MAP3K21: variants seen among roughly 807,000 people sequenced by gnomAD.
MAP3K21 encodes the protein mitogen-activated protein kinase kinase kinase 21.
MAP3K21 carries 63 observed loss-of-function variants against 86.1 expected under a neutral mutation model. The observed-to-expected ratio is 0.73, with a 90% CI of 0.60 to 0.90. The LOEUF (loss-of-function observed/expected upper bound fraction) is 0.90. Among genes scored for constraint, MAP3K21 ranks in the 40% least tolerant of loss-of-function variants. MAP3K21 has a pLI of 0.00. For missense variants in MAP3K21, 1,220 were observed against 1,367.7 expected (o/e 0.89, Z 1.70); for synonymous variants, 558 against 564.8 (o/e 0.99, Z 0.17).
chr1:233,328,106 C>T lies in MAP3K21; in HGVS notation c.78C>T (p.Ser26=), dbSNP rs1168572458. 4 of 1,384,736 alleles carry T rather than the reference C, an allele frequency of 2.9e-6. No individual in the cohort carries two copies. The highest frequency in any genetic ancestry group is 3.7e-6 in the Non-Finnish European group (4 of 1,075,658). The allele number at this position is 1,384,736 out of a possible 1,614,324, so 85.8% of individuals were successfully genotyped here. The change falls in exon 1 of 10, where the codon TCC becomes TCT. Residue 26 remains serine (S), a synonymous_variant. Transcript: ENST00000366624. This position sits in a 1 kb window ranked among gnomAD's most constrained non-coding sequence, Gnocchi z 8.7. ...SAGGAPGGSA[S]SSSTSSGGSA... is the part of the protein sequence containing the mutation. ...GGGGAGCCCCCGGCGGCTCAGCGTC[C>T]TCGTCGTCCACCTCCTCGGGCGGCT...
intron 8 of MAP3K21, among the ~76,000 whole-genome samples, chr1:233,377,379 T>C (rs912229583): frequency 1.3e-5 from 2 of 152,220 alleles, no homozygotes; most frequent in African/African-American, 4.8e-5. Flanking sequence ...ACAATGTAAA[T>C]GTATTGAATT....
At chr1:233,330,688 A>G (rs12059738) in intron 1 of MAP3K21, among the ~76,000 whole-genome samples, 2,012 of 152,294 alleles carry the variant, frequency 0.013, 30 homozygotes, top group African/African-American at 0.043. Flanking sequence ...CAAATCATCA[A>G]CACAAGCAAA....
intron 1 of MAP3K21, among the ~76,000 whole-genome samples, chr1:233,329,445 C>A (rs1294311): frequency 6.6e-6 from 1 of 151,630 alleles, no homozygotes; most frequent in Non-Finnish European, 1.5e-5. Flanking sequence ...CCTGAGGTTA[C>A]GAGTTTGAGA....
rs1459429617 is a variant in MAP3K21, at chr1:233,327,776, G to A, written c.-253G>A. 1.6e-5 allele frequency: 5 copies of A among 310,540 alleles called. No individual in the cohort carries two copies. The Admixed American group carries it at 2.5e-4, about 16-fold the overall frequency. 19.2% of individuals were successfully genotyped at this position (310,540 alleles called of 1,614,324 possible). The stretch of plus-strand genomic sequence containing the variant: ...GGCGGGCGGGCCGGCCGCAGGGCCT[G>A]GGCACGACCATGGTGGGACGTCGCC... On this transcript the variant is annotated 5_prime_UTR_variant, in exon 1 of 10. Coordinates refer to ENST00000366624, the MANE Select transcript of MAP3K21 (RefSeq NM_032435.3).
At chr1:233,379,990 G>A (rs1035948515) in intron 9 of MAP3K21, among the ~76,000 whole-genome samples, 7 of 152,142 alleles carry the variant, frequency 4.6e-5, no homozygotes, top group South Asian at 2.1e-4. Flanking sequence ...CTCACGTTAC[G>A]GGAAAGACAA....
At chr1:233,354,048 T>A in intron 3 of MAP3K21, 93 bp downstream of exon 3, 1 of 1,320,984 alleles carries the variant, frequency 7.6e-7, no homozygotes, top group Non-Finnish European at 9.9e-7. Flanking sequence ...TTTCTGTGAC[T>A]CTAATTTCCA....
rs1284613915 is a variant in MAP3K21, at chr1:233,327,987, G to A, written c.-42G>A. ...CGCGCCCGCGGCCGCCCGGGAGGCT[G>A]AGCCCAGCTTCCCGCTCCGCCTTCC... is the stretch of plus-strand genomic sequence containing the variant. On this transcript the variant is annotated 5_prime_UTR_variant, in exon 1 of 10. It removes the in-frame stop codon of an upstream open reading frame in the 5' UTR. Transcript: ENST00000366624. The A allele has an allele frequency of 2.4e-6, 3 of 1,243,272 alleles. No homozygotes were observed. Among genetic ancestry groups the A allele is most frequent in the Non-Finnish European group, 3.0e-6 (3 of 995,234 alleles). 77.0% of individuals were successfully genotyped at this position (1,243,272 alleles called of 1,614,324 possible). A position where few individuals can be genotyped will look rare whatever the true frequency, so the allele number is the denominator to read the frequency against.
rs1485755304 is a variant in MAP3K21 at position 233,362,146 on chromosome 1, G to A, written c.1405G>A (p.Glu469Lys). ...LLKRREQQLA[E>K]REIDVLEREL... Reference sequence around the variant, plus strand: ...AAAGCGGCGTGAGCAGCAGCTGGCAGAGCGCGAGATCGACGTGCTGGAGCG... The same window carrying A: ...AAAGCGGCGTGAGCAGCAGCTGGCAAAGCGCGAGATCGACGTGCTGGAGCG... Residue 469 changes from glutamate (E) to lysine (K), a missense_variant, in exon 5 of 10, where the codon GAG (glutamate) becomes AAG (lysine). Coordinates refer to ENST00000366624, the MANE Select transcript of MAP3K21 (RefSeq NM_032435.3). 5 of 1,614,096 alleles carry A rather than the reference G, an allele frequency of 3.1e-6. No homozygotes were observed. The African/African-American group carries it at 4.0e-5, about 13-fold the overall frequency.
chr1:233,378,011 T>A (rs1663831479), intron 8 of MAP3K21, among the ~76,000 whole-genome samples: 1 of 152,192 alleles, frequency 6.6e-6, no homozygotes, highest in Non-Finnish European at 1.5e-5. Flanking sequence ...GCACTGGCTG[T>A]AAATGCAAAA....
chr1:233,372,721 T>A (rs1663709205), intron 6 of MAP3K21: 1 of 152,564 alleles, frequency 6.6e-6, no homozygotes, highest in African/African-American at 2.4e-5. Flanking sequence ...ATTGTGAGAG[T>A]TTCAGTTAGG....
intron 1 of MAP3K21, among the ~76,000 whole-genome samples, chr1:233,342,548 C>T (rs1663054638): frequency 6.6e-6 from 1 of 152,178 alleles, no homozygotes; most frequent in Admixed American, 6.5e-5. Flanking sequence ...AAATACATTT[C>T]CTGCGATTAA....
chr1:233,328,922 TG>T lies in MAP3K21; in HGVS notation c.805+92del. The T allele has an allele frequency of 8.1e-7, 1 of 1,230,852 alleles. No homozygotes were observed. The highest frequency in any genetic ancestry group is 1.0e-6 in the Non-Finnish European group (1 of 974,984). The allele number at this position is 1,230,852 out of a possible 1,614,324, so 76.2% of individuals were successfully genotyped here. A position where few individuals can be genotyped will look rare whatever the true frequency, so the allele number is the denominator to read the frequency against. ...GGACATAGTACCAGATGGAAAGAGG[TG>T]GGAGTCAGCCTTAGGGCGCCAGCAG... On this transcript the variant is annotated intron_variant, in intron 1 of 9. Transcript: ENST00000366624. This position sits in a 1 kb window ranked among gnomAD's most constrained non-coding sequence, Gnocchi z 8.7.
At chr1:233,362,943 G>T (rs1453371198) in intron 5 of MAP3K21, among the ~76,000 whole-genome samples, 1 of 152,066 alleles carries the variant, frequency 6.6e-6, no homozygotes, top group Non-Finnish European at 1.5e-5. Flanking sequence ...AATACATATA[G>T]ATATTATTGA....
At chr1:233,369,225 A>AAG (rs1663639470) in intron 5 of MAP3K21, among the ~76,000 whole-genome samples, 1 of 149,550 alleles carries the variant, frequency 6.7e-6, no homozygotes, top group Admixed American at 6.7e-5. Flanking sequence ...AAATACAAAA[A>AAG]AAAAAAAAAA....
At position 233,383,139 on chromosome 1, in the gene MAP3K21, T is replaced by C. The variant is rs1294234; in HGVS notation, c.*428T>C. The C allele has an allele frequency of 0.59, 89,594 of 152,148 alleles. 27,589 individuals are homozygous for C. Among genetic ancestry groups the C allele is most frequent in the East Asian group, 0.76 (3,845 of 5,078 alleles). The allele number at this position is 152,148 out of a possible 1,614,324, so 9.4% of individuals were successfully genotyped here. ...TTCTTGTCTTGTTTCTTGTTTTTTT[T>C]TCTTGTAGTTTCTTTTCTTAATTGT... On this transcript the variant is annotated 3_prime_UTR_variant, in exon 10 of 10. Coordinates refer to ENST00000366624, the MANE Select transcript of MAP3K21 (RefSeq NM_032435.3).
In MAP3K21 at chr1:233,382,679, A is replaced by G. The variant is rs1663941517; in HGVS notation, c.3079A>G (p.Ile1027Val). 3 of 1,613,700 alleles carry G rather than the reference A, an allele frequency of 1.9e-6. No individual in the cohort carries two copies. The highest frequency in any genetic ancestry group is 3.3e-4 in the Middle Eastern group (2 of 6,060). Residue 1027 changes from isoleucine (I) to valine (V), a missense_variant, in exon 10 of 10, where the codon ATA becomes GTA. Transcript: ENST00000366624. ...RMRSKTSRPS[I>V]YELEKEFLS ...GAGGAGCAAAACCAGCCGGCCATCT[A>G]TATATGAACTGGAGAAAGAATTCCT...
intron 1 of MAP3K21, among the ~76,000 whole-genome samples, chr1:233,336,554 T>TAAAC (rs1553337149): frequency 6.6e-6 from 1 of 150,918 alleles, no homozygotes; most frequent in Non-Finnish European, 1.5e-5. Flanking sequence ...AATAAATAAA[T>TAAAC]AAATAAAATA....
chr1:233,376,168 A>G, intron 7 of MAP3K21, 102 bp downstream of exon 7: 1 of 757,786 alleles, frequency 1.3e-6, no homozygotes, highest in Non-Finnish European at 2.1e-6. Context: ...GTAAATTAAT[A>G]GAGAGATTTA....
At chr1:233,352,290 C>T (rs895461202) in intron 2 of MAP3K21, among the ~76,000 whole-genome samples, 1 of 152,152 alleles carries the variant, frequency 6.6e-6, no homozygotes, top group Non-Finnish European at 1.5e-5. Flanking sequence ...TTAGCATATC[C>T]TTCATCTCAA....
Sources: gnomAD v4.1 joint callset for allele counts (sites outside exome capture counted in the v4.1 genomes callset) on GRCh38, gnomAD v4.1.1 for gene constraint, Gnocchi (gnomAD v3.1) non-coding constraint, MANE v1.5 for transcripts, NCBI Gene and HGNC (gene_info 2026-07-23, HGNC 2026-07-21) for gene names.